Variants in MYO3A observed in about 807,000 individuals in gnomAD.
The protein encoded by MYO3A is myosin-IIIa.
In MYO3A, 180 loss-of-function variants were observed where a neutral mutation model predicts 192.7. The observed-to-expected ratio is 0.93, with a 90% CI of 0.83 to 1.06. The LOEUF (loss-of-function observed/expected upper bound fraction) is 1.06. MYO3A is among the 50% of genes least tolerant of loss of function. MYO3A has a pLI of 0.00. For missense variants in MYO3A, 1,896 were observed against 1,905.0 expected (o/e 1.00, Z 0.09); for synonymous variants, 628 against 645.3 (o/e 0.97, Z 0.41).
intron 6 of MYO3A, among the ~76,000 whole-genome samples, chr10:26,013,100 C>G (rs11818516): frequency 5.3e-5 from 8 of 152,094 alleles, no homozygotes; most frequent in Non-Finnish European, 8.8e-5. Flanking sequence ...GGAACTCTAT[C>G]TCTCACCTTA....
chr10:26,094,953 T>C (rs1441775535), intron 15 of MYO3A, among the ~76,000 whole-genome samples: 1 of 152,160 alleles, frequency 6.6e-6, no homozygotes, highest in East Asian at 1.9e-4. Flanking sequence ...AAAATAAGCT[T>C]AATAATAATA....
At chr10:26,046,483 A>G (rs1243395019) in intron 10 of MYO3A, among the ~76,000 whole-genome samples, 1 of 152,188 alleles carries the variant, frequency 6.6e-6, no homozygotes, top group Non-Finnish European at 1.5e-5. Context: ...CATATTCCAC[A>G]TCAGTGCCCT....
chr10:26,158,470 T>C (rs1841286191), intron 26 of MYO3A, among the ~76,000 whole-genome samples: 1 of 152,014 alleles, frequency 6.6e-6, no homozygotes, highest in Admixed American at 6.6e-5. Flanking sequence ...TTAGCCAGGA[T>C]GGTCTCGATC....
At chr10:26,009,826 A>G (rs1476218196) in intron 6 of MYO3A, among the ~76,000 whole-genome samples, 1 of 152,224 alleles carries the variant, frequency 6.6e-6, no homozygotes, top group Non-Finnish European at 1.5e-5. Flanking sequence ...CTGCAGCTCT[A>G]AAATTTTAAT....
At chr10:26,009,341 A>T (rs1027887113) in intron 6 of MYO3A, among the ~76,000 whole-genome samples, 1 of 152,176 alleles carries the variant, frequency 6.6e-6, no homozygotes, top group Non-Finnish European at 1.5e-5. Flanking sequence ...TATGTAACTA[A>T]CCTGCACATT....
At chr10:25,980,231 C>T (rs562271628) in intron 4 of MYO3A, among the ~76,000 whole-genome samples, 61 of 146,928 alleles carry the variant, frequency 4.2e-4, no homozygotes, top group African/African-American at 1.4e-3. Flanking sequence ...AGCGAGACTC[C>T]GTCTCAAAAA....
intron 15 of MYO3A, among the ~76,000 whole-genome samples, chr10:26,091,963 A>G (rs1836726397): frequency 6.6e-6 from 1 of 152,226 alleles, no homozygotes; most frequent in South Asian, 2.1e-4. Context: ...AGCTCACAGT[A>G]TGATATAAAA....
Position 26,032,870 on chromosome 10 carries a change from T to C in MYO3A, c.953+6338T>C, listed in dbSNP as rs74378393. ...AATTTTTCTTTAATGGCTGTGACTA[T>C]GTCATGTTGAGAATTATTCACCCTT... On this transcript the variant is annotated intron_variant, in intron 10 of 34. Transcript: ENST00000642920. 3.3e-3 allele frequency among the ~76,000 whole-genome samples: 501 copies of C among 152,320 alleles called. 5 individuals are homozygous for C. Among genetic ancestry groups the C allele is most frequent in the African/African-American group, 0.011 (467 of 41,568 alleles).
chr10:26,044,379 T>C (rs2131243402), intron 10 of MYO3A, among the ~76,000 whole-genome samples: 1 of 152,324 alleles, frequency 6.6e-6, no homozygotes, highest in East Asian at 1.9e-4. Flanking sequence ...TGGCCTAGGC[T>C]GCCTTTCAAG....
intron 21 of MYO3A, among the ~76,000 whole-genome samples, chr10:26,144,809 G>A: frequency 6.6e-6 from 1 of 152,050 alleles, no homozygotes; most frequent in East Asian, 1.9e-4. Context: ...GAACTTATTA[G>A]AAATGAAAAT....
chr10:26,115,789 T>C (rs549883049), intron 17 of MYO3A, among the ~76,000 whole-genome samples: 11 of 152,306 alleles, frequency 7.2e-5, no homozygotes, highest in Admixed American at 3.9e-4. Context: ...ATTTACCACA[T>C]CTTCTTATGC....
chr10:26,083,784 A>C (rs756948137), intron 14 of MYO3A, among the ~76,000 whole-genome samples: 1 of 152,224 alleles, frequency 6.6e-6, no homozygotes, highest in South Asian at 2.1e-4. Flanking sequence ...ATATTAAAAA[A>C]TGTGTCTTCT....
At chr10:25,946,996 A>C (rs72789927) in intron 2 of MYO3A, among the ~76,000 whole-genome samples, 1 of 151,562 alleles carries the variant, frequency 6.6e-6, no homozygotes, top group Non-Finnish European at 1.5e-5. Context: ...TATTTCTTCA[A>C]ATAAGCTCTC....
intron 6 of MYO3A, among the ~76,000 whole-genome samples, chr10:26,015,372 A>C (rs769780410): frequency 6.6e-5 from 10 of 151,976 alleles, no homozygotes; most frequent in Non-Finnish European, 1.3e-4. Context: ...TGATTTTCCT[A>C]ATCTTCTTTA....
chr10:26,045,366 TTAGA>T (rs3057671), intron 10 of MYO3A, among the ~76,000 whole-genome samples: 45,529 of 142,278 alleles, frequency 0.32, 7,159 homozygotes, highest in East Asian at 0.47. Context: ...ATGGGTGGCA[TTAGA>T]TAGATAGATA....
intron 7 of MYO3A, among the ~76,000 whole-genome samples, chr10:26,019,768 A>C (rs1842206382): frequency 6.6e-6 from 1 of 152,222 alleles, no homozygotes; most frequent in African/African-American, 2.4e-5. Flanking sequence ...GTATGTATAG[A>C]CCACATTATG....
rs374286066 is a variant in MYO3A at position 26,099,126 on chromosome 10, G to A, written c.1776+2444G>A. Among the ~76,000 whole-genome samples, 17 of 152,200 alleles carry A rather than the reference G, an allele frequency of 1.1e-4. No individual in the cohort carries two copies. The East Asian group carries it at 2.7e-3, about 24-fold the overall frequency. On this transcript the variant is annotated intron_variant, in intron 17 of 34. Transcript: ENST00000642920. ...AGTTCTCCTTGAAGAGGTCCTTCAT[G>A]TCCCTTGTAAGTTGGATTCCTAGAT...
At chr10:26,169,635 C>T (rs548006550) in intron 28 of MYO3A, among the ~76,000 whole-genome samples, 17 of 152,254 alleles carry the variant, frequency 1.1e-4, no homozygotes, top group Admixed American at 9.2e-4. Flanking sequence ...ACACTAATAT[C>T]GTGGGCAGAG....
In MYO3A at chr10:26,176,155, G is replaced by A. The variant is rs568834815; in HGVS notation, c.4294-546G>A. On this transcript the variant is annotated intron_variant, in intron 30 of 34. Coordinates refer to ENST00000642920, the MANE Select transcript of MYO3A (RefSeq NM_017433.5). ...TAAAAATACAAAAAATCAGCCGGGC[G>A]TGGTGGCAGGCACCTGTAGTCCCAG... is the stretch of plus-strand genomic sequence containing the variant. 7.2e-5 allele frequency among the ~76,000 whole-genome samples: 11 copies of A among 152,288 alleles called. No homozygotes were observed. The South Asian group carries it at 2.1e-3, about 29-fold the overall frequency.
Sources: gnomAD v4.1 joint callset for allele counts (sites outside exome capture counted in the v4.1 genomes callset) on GRCh38, gnomAD v4.1.1 for gene constraint, MANE v1.5 for transcripts, NCBI Gene and HGNC (gene_info 2026-07-23, HGNC 2026-07-21) for gene names.